The following EPHA6 variants were observed in gnomAD, a reference collection of about 807,000 sequenced individuals.
The protein encoded by EPHA6 is ephrin type-A receptor 6.
EPHA6 carries 50 observed loss-of-function variants against 112.0 expected under a neutral mutation model. The ratio of observed to expected loss-of-function variants is 0.45; its 90% CI spans 0.36 to 0.56. The LOEUF (loss-of-function observed/expected upper bound fraction) is 0.56, where lower values mean the gene tolerates loss of function less well. EPHA6 is among the 20% of genes least tolerant of loss of function. The pLI is 0.00. For synonymous variants in EPHA6, 529 were observed against 490.7 expected (o/e 1.08, Z -1.03); for missense variants, 1,280 against 1,417.4 (o/e 0.90, Z 1.56).
chr3:96,986,213 G>A (rs1317230750), intron 2 of EPHA6, among the ~76,000 whole-genome samples: 1 of 152,074 alleles, frequency 6.6e-6, no homozygotes, highest in Non-Finnish European at 1.5e-5. Flanking sequence ...TGCTTTCAGG[G>A]TACCCAAATA....
In EPHA6 at chr3:97,668,277, G is replaced by C. The variant is rs138071397; in HGVS notation, c.2784+30195G>C. 2.9e-3 allele frequency among the ~76,000 whole-genome samples: 434 copies of C among 152,148 alleles called. 1 individual carries two copies. The highest frequency in any genetic ancestry group is 0.01 in the African/African-American group (416 of 41,506). On this transcript the variant is annotated intron_variant, in intron 14 of 17. Transcript: ENST00000389672. The stretch of plus-strand genomic sequence containing the variant: ...CAAGTACAAAACCTTCATATAATTT[G>C]TTCAATAAAATCTATGACTCCCAGA...
chr3:97,662,312 T>C (rs1306034831), intron 14 of EPHA6, among the ~76,000 whole-genome samples: 1 of 152,154 alleles, frequency 6.6e-6, no homozygotes, highest in Non-Finnish European at 1.5e-5. Flanking sequence ...GAAACACGTT[T>C]TAAAACAATA....
intron 3 of EPHA6, among the ~76,000 whole-genome samples, chr3:97,120,365 G>A (rs751138388): frequency 1.3e-4 from 20 of 150,766 alleles, no homozygotes; most frequent in Non-Finnish European, 2.1e-4. Context: ...TTGATGTGCA[G>A]TTTTTTTTTA....
At chr3:97,191,918 A>G (rs780131532) in intron 3 of EPHA6, among the ~76,000 whole-genome samples, 2 of 152,132 alleles carry the variant, frequency 1.3e-5, no homozygotes, top group African/African-American at 2.4e-5. Context: ...ACAGTTCTCC[A>G]TAGTCACTGT....
At chr3:97,732,982 T>C (rs188000084) in intron 15 of EPHA6, among the ~76,000 whole-genome samples, 4 of 151,956 alleles carry the variant, frequency 2.6e-5, no homozygotes, top group Admixed American at 2.6e-4. Context: ...AAGTCATGAG[T>C]CTTCTGATCC....
chr3:96,989,025 A>G (rs934232090), intron 3 of EPHA6, among the ~76,000 whole-genome samples: 2 of 152,154 alleles, frequency 1.3e-5, no homozygotes, highest in East Asian at 1.9e-4. Flanking sequence ...AAATTATTTC[A>G]TGGTAAATAG....
chr3:97,443,862 T>G (rs1319318689), intron 6 of EPHA6, among the ~76,000 whole-genome samples: 2 of 152,060 alleles, frequency 1.3e-5, no homozygotes, highest in Non-Finnish European at 2.9e-5. Flanking sequence ...GAACATAAAG[T>G]GTGGAAAAAA....
chr3:97,748,517 AT>A, intron 17 of EPHA6, 69 bp from the exon 18 acceptor site: 2 of 718,802 alleles, frequency 2.8e-6, no homozygotes, highest in Non-Finnish European at 5.0e-6. Flanking sequence ...CATATTCTGT[AT>A]CTCTCTCTCT....
At chr3:97,001,805 G>A (rs1042374367) in intron 3 of EPHA6, among the ~76,000 whole-genome samples, 1 of 151,896 alleles carries the variant, frequency 6.6e-6, no homozygotes, top group Non-Finnish European at 1.5e-5. Flanking sequence ...AAAAATAGAT[G>A]GGAACATTGA....
intron 13 of EPHA6, among the ~76,000 whole-genome samples, chr3:97,637,658 GT>G (rs2093959773): frequency 6.6e-6 from 1 of 151,984 alleles, no homozygotes; most frequent in African/African-American, 2.4e-5. Flanking sequence ...TCTGTCCTTT[GT>G]TTAGTTGTCC....
At chr3:97,668,940 A>AAAAAAAAAAC (rs2030471359) in intron 14 of EPHA6, among the ~76,000 whole-genome samples, 1 of 149,762 alleles carries the variant, frequency 6.7e-6, no homozygotes, top group Non-Finnish European at 1.5e-5. Context: ...AAAAAAAAAA[A>AAAAAAAAAAC]AAAATCCACT....
intron 6 of EPHA6, among the ~76,000 whole-genome samples, chr3:97,438,688 T>C (rs951061240): frequency 6.6e-6 from 1 of 152,174 alleles, no homozygotes; most frequent in Non-Finnish European, 1.5e-5. Flanking sequence ...ATCTGCAAGA[T>C]GACCTTAAGG....
chr3:97,078,126 G>T (rs944067692), intron 3 of EPHA6, among the ~76,000 whole-genome samples: 37 of 152,134 alleles, frequency 2.4e-4, no homozygotes, highest in Non-Finnish European at 7.4e-5. Context: ...GTTTTGATTT[G>T]CATTTCTCTG....
chr3:97,627,196 A>C (rs1375590006), intron 13 of EPHA6, among the ~76,000 whole-genome samples: 1 of 151,954 alleles, frequency 6.6e-6, no homozygotes, highest in Non-Finnish European at 1.5e-5. Flanking sequence ...ATGTATTGAC[A>C]GACTACAGTA....
intron 13 of EPHA6, among the ~76,000 whole-genome samples, chr3:97,633,253 A>T (rs547498627): frequency 2.2e-4 from 33 of 152,090 alleles, no homozygotes; most frequent in African/African-American, 7.2e-4. Context: ...TTAGAGGGTA[A>T]AATCCATGTT....
chr3:97,345,519 G>A (rs1171763222), intron 5 of EPHA6, among the ~76,000 whole-genome samples: 1 of 152,120 alleles, frequency 6.6e-6, no homozygotes, highest in Admixed American at 6.6e-5. Flanking sequence ...GCTTAAGTGG[G>A]CAAGAAATAT....
At chr3:96,891,360 G>A (rs1345691975) in intron 2 of EPHA6, among the ~76,000 whole-genome samples, 4 of 152,134 alleles carry the variant, frequency 2.6e-5, no homozygotes, top group African/African-American at 4.8e-5. Context: ...GTGATTCCAC[G>A]TATGTAAAAT....
chr3:97,459,215 G>A (rs2090802481), intron 7 of EPHA6, among the ~76,000 whole-genome samples: 1 of 152,198 alleles, frequency 6.6e-6, no homozygotes, highest in Admixed American at 6.5e-5. Context: ...GTAACTGGAA[G>A]AATGTCAGTA....
intron 3 of EPHA6, among the ~76,000 whole-genome samples, chr3:97,018,327 A>G (rs2044336027): frequency 1.3e-5 from 2 of 152,072 alleles, no homozygotes; most frequent in Admixed American, 1.3e-4. Flanking sequence ...AAATAAAGAC[A>G]CAAGACAAAG....
Sources: allele counts gnomAD v4.1 joint callset (sites outside exome capture counted in the v4.1 genomes callset), GRCh38; gene constraint gnomAD v4.1.1; transcripts MANE v1.5; gene names NCBI Gene and HGNC (gene_info 2026-07-23, HGNC 2026-07-21).